GPBP1L1: variants seen among roughly 807,000 people sequenced by gnomAD.
The protein encoded by GPBP1L1 is vasculin-like protein 1.
In GPBP1L1, 23 loss-of-function variants were observed where a neutral mutation model predicts 52.5. The observed-to-expected ratio is 0.44, with a 90% CI of 0.32 to 0.62. GPBP1L1 has a LOEUF of 0.62. GPBP1L1 is among the 20% of genes least tolerant of loss of function. The probability of loss-of-function intolerance (pLI) is 0.06; values close to 1 mark genes in which losing one functional copy is unlikely to be tolerated. For synonymous variants in GPBP1L1, 243 were observed against 203.1 expected (o/e 1.20, Z -1.67); for missense variants, 596 against 579.3 (o/e 1.03, Z -0.30).
intron 8 of GPBP1L1, among the ~76,000 whole-genome samples, chr1:45,639,603 G>A (rs548988802): frequency 1.3e-5 from 2 of 151,576 alleles, no homozygotes; most frequent in East Asian, 1.9e-4. Flanking sequence ...ATGGCTGGGC[G>A]TGGCGGCTCA....
intron 10 of GPBP1L1, 46 bp downstream of exon 10, chr1:45,633,442 CA>C: frequency 6.3e-7 from 1 of 1,596,126 alleles, no homozygotes; most frequent in South Asian, 1.1e-5. Context: ...ACGTATGTAT[CA>C]AAGGAAAATT....
chr1:45,680,415 T>A (rs1276353739), intron 2 of GPBP1L1, among the ~76,000 whole-genome samples: 2 of 151,966 alleles, frequency 1.3e-5, no homozygotes, highest in Non-Finnish European at 2.9e-5. Context: ...ATTTTTGTAT[T>A]TTTAGTAGAG....
In GPBP1L1 at chr1:45,629,571, C is replaced by G. The variant is rs1644503552; in HGVS notation, c.1272+5G>C. ...TGGTCTCTAGGAAGAAGGTTTACAACATACCTGCTCTGTCTTCATGTGGAA... is the reference window on the plus strand; with the variant it reads ...TGGTCTCTAGGAAGAAGGTTTACAAGATACCTGCTCTGTCTTCATGTGGAA... On this transcript the variant is annotated splice_donor_5th_base_variant and intron_variant, in intron 12 of 12. Transcript: ENST00000355105. The G allele has an allele frequency of 6.5e-7, 1 of 1,547,118 alleles. No homozygotes were observed. The highest frequency in any genetic ancestry group is 1.4e-5 in the African/African-American group (1 of 72,866).
intron 10 of GPBP1L1, among the ~76,000 whole-genome samples, chr1:45,631,610 T>G (rs1313823260): frequency 1.3e-5 from 2 of 152,136 alleles, no homozygotes; most frequent in Non-Finnish European, 2.9e-5. Context: ...AATTTCTGCT[T>G]TGCAAAACAC....
chr1:45,660,382 C>T lies in GPBP1L1; in HGVS notation c.-254G>A. 1.0e-6 allele frequency: 1 copy of T among 983,136 alleles called. No individual in the cohort carries two copies. The highest frequency in any genetic ancestry group is 1.2e-6 in the Non-Finnish European group (1 of 829,288). 60.9% of individuals were successfully genotyped at this position (983,136 alleles called of 1,614,324 possible). A position where few individuals can be genotyped will look rare whatever the true frequency, so the allele number is the denominator to read the frequency against. On this transcript the variant is annotated 5_prime_UTR_variant, in exon 3 of 13. Coordinates refer to ENST00000355105, the MANE Select transcript of GPBP1L1 (RefSeq NM_021639.5). ...TCATCTTAAACTATTTGGTTCCTGA[C>T]ACGTTTCCAAAAGGGGAAAGGGGAA...
chr1:45,671,767 T>C (rs957968283), intron 2 of GPBP1L1, among the ~76,000 whole-genome samples: 2 of 152,062 alleles, frequency 1.3e-5, no homozygotes, highest in African/African-American at 4.8e-5. Context: ...GAGGCCGCAG[T>C]GAGCAGAGAT....
chr1:45,629,454 T>TCCCCTC, intron 12 of GPBP1L1, 122 bp downstream of exon 12: 1 of 115,396 alleles, frequency 8.7e-6, no homozygotes, highest in Non-Finnish European at 1.6e-5. Context: ...ACTAAGGTAA[T>TCCCCTC]CCCCCCCCCC....
intron 2 of GPBP1L1, among the ~76,000 whole-genome samples, chr1:45,678,415 T>C (rs1448294171): frequency 6.6e-6 from 1 of 152,202 alleles, no homozygotes; most frequent in East Asian, 1.9e-4. Context: ...AGGGGAAAGA[T>C]TGTTTAATAT....
At chr1:45,642,580 A>C (rs1644687931) in intron 6 of GPBP1L1, 81 bp from the exon 7 acceptor site, 3 of 953,000 alleles carry the variant, frequency 3.1e-6, no homozygotes, top group African/African-American at 3.2e-5. Context: ...TCACCATGGA[A>C]CCTATCAAAT....
chr1:45,637,278 A>C (rs1644605223), intron 8 of GPBP1L1, among the ~76,000 whole-genome samples: 1 of 152,226 alleles, frequency 6.6e-6, no homozygotes, highest in Admixed American at 6.5e-5. Context: ...TGGATAAATC[A>C]ACATCTGCTT....
chr1:45,633,764 CA>C lies in GPBP1L1; in HGVS notation c.886-118del, dbSNP rs1194747729. The C allele has an allele frequency of 2.1e-5, 23 of 1,076,672 alleles. No individual in the cohort carries two copies. In the African/African-American group the frequency reaches 3.7e-4, roughly 17 times the overall value. The allele number at this position is 1,076,672 out of a possible 1,614,324, so 66.7% of individuals were successfully genotyped here. On this transcript the variant is annotated intron_variant, in intron 9 of 12. Coordinates refer to ENST00000355105, the MANE Select transcript of GPBP1L1 (RefSeq NM_021639.5). ...GCCTATTTATCACTCTGTCTTAAAC[CA>C]AACAATCCTTTTATTTAAGCAGTTC... is the stretch of plus-strand genomic sequence containing the variant.
chr1:45,638,886 C>A (rs1478880062), intron 8 of GPBP1L1, among the ~76,000 whole-genome samples: 1 of 152,072 alleles, frequency 6.6e-6, no homozygotes, highest in Admixed American at 6.5e-5. Flanking sequence ...CAATAAGATG[C>A]AAAAGATGGA....
chr1:45,642,275 G>A (rs2148442705), intron 7 of GPBP1L1, 152 bp downstream of exon 7: 1 of 613,450 alleles, frequency 1.6e-6, no homozygotes, highest in Non-Finnish European at 2.9e-6. Flanking sequence ...GGGGTAGGGG[G>A]CAGAATAACC....
At chr1:45,662,791 C>T (rs1310838994) in intron 2 of GPBP1L1, among the ~76,000 whole-genome samples, 1 of 152,092 alleles carries the variant, frequency 6.6e-6, no homozygotes, top group Non-Finnish European at 1.5e-5. Flanking sequence ...GTGGCTCACG[C>T]CTATAATCCC....
intron 8 of GPBP1L1, 130 bp from the exon 9 acceptor site, chr1:45,634,366 G>A: frequency 1.1e-6 from 1 of 910,354 alleles, no homozygotes; most frequent in East Asian, 2.7e-5. Context: ...GTCTTAACAT[G>A]TTTGGGAAGT....
At chr1:45,664,305 AGTGAGACTCCGTC>A (rs1362190455) in intron 2 of GPBP1L1, among the ~76,000 whole-genome samples, 1 of 149,656 alleles carries the variant, frequency 6.7e-6, no homozygotes, top group Non-Finnish European at 1.5e-5. Flanking sequence ...TGGGCAACAG[AGTGAGACTCCGTC>A]TCAAAAAAAA....
chr1:45,654,102 A>G (rs1182972444), intron 6 of GPBP1L1, among the ~76,000 whole-genome samples: 1 of 152,232 alleles, frequency 6.6e-6, no homozygotes, highest in African/African-American at 2.4e-5. Flanking sequence ...TTAACACACA[A>G]TAACATCAAG....
intron 1 of GPBP1L1, among the ~76,000 whole-genome samples, chr1:45,686,087 C>G (rs774974152): frequency 8.5e-5 from 13 of 152,248 alleles, no homozygotes; most frequent in Non-Finnish European, 1.8e-4. Context: ...CAACGAGCAC[C>G]AAGCCGGATC....
chr1:45,636,052 T>G (rs1644590043), intron 8 of GPBP1L1, among the ~76,000 whole-genome samples: 1 of 152,214 alleles, frequency 6.6e-6, no homozygotes, highest in South Asian at 2.1e-4. Flanking sequence ...ATTTACTGCT[T>G]AGTTCCCTGC....
Sources: gnomAD v4.1 joint callset for allele counts (sites outside exome capture counted in the v4.1 genomes callset) on GRCh38, gnomAD v4.1.1 for gene constraint, MANE v1.5 for transcripts, NCBI Gene and HGNC (gene_info 2026-07-23, HGNC 2026-07-21) for gene names.